FARSA: variants seen among roughly 807,000 people sequenced by gnomAD.
FARSA encodes the protein phenylalanyl-tRNA synthetase subunit alpha, also known as phenylalanine--tRNA ligase alpha subunit.
A neutral mutation model predicts 63.2 loss-of-function variants in FARSA; 37 were observed. The ratio of observed to expected loss-of-function variants is 0.59; its 90% CI spans 0.45 to 0.77. The LOEUF (loss-of-function observed/expected upper bound fraction) is 0.77, where lower values mean the gene tolerates loss of function less well. Among genes scored for constraint, FARSA ranks in the 30% least tolerant of loss-of-function variants. FARSA has a pLI of 0.00. For synonymous variants in FARSA, 312 were observed against 285.1 expected (o/e 1.09, Z -0.95); for missense variants, 618 against 696.6 (o/e 0.89, Z 1.27).
chr19:12,928,208 T>C, intron 7 of FARSA, 134 bp downstream of exon 7: 2 of 673,454 alleles, frequency 3.0e-6, no homozygotes, highest in Non-Finnish European at 5.0e-6. Flanking sequence ...GCCTCCCAAA[T>C]AGCCGGACTA....
chr19:12,930,079 G>T, intron 4 of FARSA, 144 bp downstream of exon 4: 1 of 690,882 alleles, frequency 1.4e-6, no homozygotes. Context: ...AAGGCACGTA[G>T]GCTTGACAAC....
At chr19:12,929,927 C>G (rs1250775548) in intron 4 of FARSA, among the ~76,000 whole-genome samples, 2 of 152,102 alleles carry the variant, frequency 1.3e-5, no homozygotes, top group Non-Finnish European at 2.9e-5. Context: ...GGGCGATGGG[C>G]TTCATGGAAC....
intron 7 of FARSA, among the ~76,000 whole-genome samples, chr19:12,925,977 C>CT (rs1299596159): frequency 1.4e-4 from 17 of 125,216 alleles, no homozygotes; most frequent in Non-Finnish European, 2.9e-4. Flanking sequence ...TTTATTTTTT[C>CT]TTTTTTTTTG....
intron 1 of FARSA, 152 bp downstream of exon 1, chr19:12,933,398 C>A (rs961254269): frequency 2.1e-5 from 18 of 862,754 alleles, no homozygotes; most frequent in African/African-American, 3.5e-5. Flanking sequence ...GGCCCTCACT[C>A]GTCCCACTTC....
At chr19:12,925,045 G>T in intron 8 of FARSA, 42 bp from the exon 9 acceptor site, 2 of 1,612,256 alleles carry the variant, frequency 1.2e-6, no homozygotes, top group Non-Finnish European at 1.7e-6. Flanking sequence ...TGGCCCAGGG[G>T]TCCCCAGCCT....
In FARSA at chr19:12,928,538, A is replaced by ATCTCCAG. The variant is rs1971352931; in HGVS notation, c.715_721dup (p.Met241ThrfsTer11). 8 of 1,614,084 alleles carry ATCTCCAG rather than the reference A, an allele frequency of 5.0e-6. No homozygotes were observed. The highest frequency in any genetic ancestry group is 6.8e-6 in the Non-Finnish European group (8 of 1,179,982). On this transcript the variant is annotated frameshift_variant, in exon 6 of 13. Coordinates refer to ENST00000314606, the MANE Select transcript of FARSA (RefSeq NM_004461.3). LOFTEE classifies it high-confidence loss of function. ...CCGCCCCCAGCCCTGTGCTCACCCC[A>ATCTCCAG]TCTCCAGGAAGATCTGTCGGAACTG...
At chr19:12,932,662 A>C (rs1971409926) in intron 1 of FARSA, among the ~76,000 whole-genome samples, 1 of 152,230 alleles carries the variant, frequency 6.6e-6, no homozygotes. Context: ...GCTGAGACCA[A>C]AGTGGGGCAC....
Position 12,922,645 on chromosome 19 carries a change from TG to T in FARSA, c.*102del. The T allele has an allele frequency of 7.0e-7, 1 of 1,426,266 alleles. No homozygotes were observed. The highest frequency in any genetic ancestry group is 9.6e-7 in the Non-Finnish European group (1 of 1,039,008). 88.4% of individuals were successfully genotyped at this position (1,426,266 alleles called of 1,614,324 possible). A position where few individuals can be genotyped will look rare whatever the true frequency, so the allele number is the denominator to read the frequency against. ...AGGTGGGAAAGAGGAAGGTGGGGGC[TG>T]GCCTCACAGAGGCCTCATAAATACA... On this transcript the variant is annotated 3_prime_UTR_variant, in exon 13 of 13. Transcript: ENST00000314606.
At chr19:12,932,543 C>T (rs138184643) in intron 1 of FARSA, among the ~76,000 whole-genome samples, 48 of 152,248 alleles carry the variant, frequency 3.2e-4, no homozygotes, top group African/African-American at 1.1e-3. Context: ...CTGGGCTCAT[C>T]GGCCTCTTCT....
intron 7 of FARSA, among the ~76,000 whole-genome samples, 156 bp from the exon 8 acceptor site, chr19:12,925,330 C>G (rs952189163): frequency 2.0e-5 from 3 of 151,670 alleles, no homozygotes; most frequent in African/African-American, 7.3e-5. Flanking sequence ...ATTCTCGTGC[C>G]TCAGTTTTCT....
Position 12,922,586 on chromosome 19 carries a change from C to T in FARSA, c.*162G>A, listed in dbSNP as rs926514041. ...AGGACAACAGAAGGAACCTGCTACC[C>T]AGTCCTCTGTCCCTGGGATTCTGGT... On this transcript the variant is annotated 3_prime_UTR_variant, in exon 13 of 13. Coordinates refer to ENST00000314606, the MANE Select transcript of FARSA (RefSeq NM_004461.3). 4 of 845,426 alleles carry T rather than the reference C, an allele frequency of 4.7e-6. No homozygotes were observed. In the African/African-American group the frequency reaches 6.8e-5, roughly 14 times the overall value. The allele number at this position is 845,426 out of a possible 1,614,324, so 52.4% of individuals were successfully genotyped here. A position where few individuals can be genotyped will look rare whatever the true frequency, so the allele number is the denominator to read the frequency against.
rs1971350918 is a variant in FARSA, at chr19:12,928,353, A to G, written c.830T>C (p.Phe277Ser). 16 of 1,613,778 alleles carry G rather than the reference A, an allele frequency of 9.9e-6. No homozygotes were observed. Among genetic ancestry groups the G allele is most frequent in the Middle Eastern group, 1.6e-4 (1 of 6,080 alleles). Residue 277 changes from phenylalanine (F) to serine (S), a missense_variant, in exon 7 of 13, where the codon TTC becomes TCC. By Grantham distance (155) the Phe-to-Ser change is radical. Transcript: ENST00000314606. ...QHPARDQHDT[F>S]FLRDPAEALQ... ...AGGGGCTGACCCACCTCGAAGGAAG[A>G]AGGTGTCGTGCTGGTCACGGGCTGG...
At position 12,930,147 on chromosome 19, in the gene FARSA, A is replaced by G. The variant is rs1375689617; in HGVS notation, c.503+76T>C. ...CACACCTGTGCTTGGTGTGGGCAAG[A>G]TGTCTCCCTCCCACCATGCCTCCAC... On this transcript the variant is annotated intron_variant, in intron 4 of 12. Transcript: ENST00000314606. 5 of 1,164,080 alleles carry G rather than the reference A, an allele frequency of 4.3e-6. No homozygotes were observed. The Admixed American group carries it at 9.1e-5, about 21-fold the overall frequency. The allele number at this position is 1,164,080 out of a possible 1,614,324, so 72.1% of individuals were successfully genotyped here. A position where few individuals can be genotyped will look rare whatever the true frequency, so the allele number is the denominator to read the frequency against.
intron 1 of FARSA, among the ~76,000 whole-genome samples, chr19:12,932,093 C>T (rs532634328): frequency 1.1e-4 from 15 of 142,122 alleles, no homozygotes; most frequent in South Asian, 2.2e-4. Context: ...GGCTGGAGTG[C>T]GATCTCGGCT....
chr19:12,928,583 G>A lies in FARSA; in HGVS notation c.677C>T (p.Pro226Leu), dbSNP rs776006254. The A allele has an allele frequency of 1.3e-5, 21 of 1,613,602 alleles. No individual in the cohort carries two copies. Among genetic ancestry groups the A allele is most frequent in the Admixed American group, 1.0e-4 (6 of 59,952 alleles). Residue 226 changes from proline to leucine, a missense_variant, in exon 6 of 13, where the codon CCG (proline) becomes CTG (leucine). Coordinates refer to ENST00000314606, the MANE Select transcript of FARSA (RefSeq NM_004461.3). Reference protein sequence around the residue: ...GVLPDSGHLHPLLKVRSQFRQ... With the variant: ...GVLPDSGHLHLLLKVRSQFRQ... ...GAACTGGGAGCGGACCTTGAGCAGCGGGTGAAGGTGGCCGCTGTCGGGGAG... is the reference window on the plus strand; with the variant it reads ...GAACTGGGAGCGGACCTTGAGCAGCAGGTGAAGGTGGCCGCTGTCGGGGAG...
At chr19:12,931,857 A>G (rs1210870708) in intron 1 of FARSA, among the ~76,000 whole-genome samples, 1 of 152,150 alleles carries the variant, frequency 6.6e-6, no homozygotes, top group Non-Finnish European at 1.5e-5. Flanking sequence ...CTTCATTCTA[A>G]TCCCAACTCT....
intron 1 of FARSA, among the ~76,000 whole-genome samples, chr19:12,931,000 G>A (rs1314651849): frequency 1.3e-5 from 2 of 152,202 alleles, no homozygotes; most frequent in African/African-American, 2.4e-5. Context: ...CACCACTAAA[G>A]ATGTTACCTG....
rs1369641595 is a variant in FARSA, at chr19:12,924,943, TGTG to T, written c.984_986del (p.Thr329del). 1 of 1,614,194 alleles carries T rather than the reference TGTG, an allele frequency of 6.2e-7. No homozygotes were observed. Among genetic ancestry groups the T allele is most frequent in the Non-Finnish European group, 8.5e-7 (1 of 1,180,016 alleles). On this transcript the variant is annotated inframe_deletion, in exon 9 of 13. Transcript: ENST00000314606. This position sits in a 1 kb window ranked among gnomAD's most constrained non-coding sequence, Gnocchi z 6.4. ...GGTAGAGCGCACGGGCGCTGGCTGATGTGGTGTGGGTTCGCAGTAGGTTTTTCC... is the reference window on the plus strand; with the variant it reads ...GGTAGAGCGCACGGGCGCTGGCTGATGTGTGGGTTCGCAGTAGGTTTTTCC...
intron 12 of FARSA, among the ~76,000 whole-genome samples, chr19:12,923,295 T>A (rs1040973780): frequency 6.6e-5 from 10 of 152,204 alleles, no homozygotes; most frequent in Admixed American, 4.6e-4. Flanking sequence ...CTTCTTTTGC[T>A]GAGTGCATTT....
Sources: gnomAD v4.1 joint callset for allele counts (sites outside exome capture counted in the v4.1 genomes callset) on GRCh38, gnomAD v4.1.1 for gene constraint, Gnocchi (gnomAD v3.1) non-coding constraint, MANE v1.5 for transcripts, NCBI Gene and HGNC (gene_info 2026-07-23, HGNC 2026-07-21) for gene names.